POU2F1: variants seen among roughly 807,000 people sequenced by gnomAD.
POU2F1 encodes the protein POU class 2 homeobox 1.
In POU2F1, 16 loss-of-function variants were observed where a neutral mutation model predicts 84.9. The ratio of observed to expected loss-of-function variants is 0.19; its 90% confidence interval spans 0.13 to 0.29. The LOEUF (loss-of-function observed/expected upper bound fraction) is 0.29. Among genes scored for constraint, POU2F1 ranks in the 10% least tolerant of loss-of-function variants. The pLI, the probability that POU2F1 is intolerant of heterozygous loss-of-function variation, is 1.00. For synonymous variants in POU2F1, 368 were observed against 368.3 expected (o/e 1.00, Z 0.01); for missense variants, 738 against 942.6 (o/e 0.78, Z 2.84).
At chr1:167,276,610 G>A (rs546771947) in intron 1 of POU2F1, among the ~76,000 whole-genome samples, 1 of 152,192 alleles carries the variant, frequency 6.6e-6, no homozygotes, top group African/African-American at 2.4e-5. Flanking sequence ...TCAAACCATT[G>A]ACCCACTCTT....
intron 2 of POU2F1, among the ~76,000 whole-genome samples, chr1:167,344,745 G>A (rs1295543756): frequency 1.3e-5 from 2 of 152,206 alleles, no homozygotes; most frequent in African/African-American, 2.4e-5. Flanking sequence ...GGAGGAAGGG[G>A]AGGATGATAG....
chr1:167,232,706 G>A (rs1474976114), intron 1 of POU2F1, among the ~76,000 whole-genome samples: 1 of 152,100 alleles, frequency 6.6e-6, no homozygotes, highest in African/African-American at 2.4e-5. Context: ...AGCTGGGTGT[G>A]GTGGCACACG....
At chr1:167,390,561 G>C (rs936507564) in intron 9 of POU2F1, among the ~76,000 whole-genome samples, 6 of 152,150 alleles carry the variant, frequency 3.9e-5, no homozygotes, top group Non-Finnish European at 8.8e-5. Flanking sequence ...GAGGTGGGAG[G>C]ATTGCTTGAG....
intron 2 of POU2F1, among the ~76,000 whole-genome samples, chr1:167,350,561 G>A (rs1237681641): frequency 6.6e-6 from 1 of 151,858 alleles, no homozygotes; most frequent in East Asian, 1.9e-4. Flanking sequence ...GATGTAGCTA[G>A]GTCCTGAACA....
chr1:167,324,434 A>G (rs576702088), intron 1 of POU2F1, among the ~76,000 whole-genome samples: 6 of 147,238 alleles, frequency 4.1e-5, no homozygotes, highest in East Asian at 3.9e-4. Flanking sequence ...TGAGTTTTTT[A>G]TCCAAACTCA....
intron 1 of POU2F1, among the ~76,000 whole-genome samples, chr1:167,247,158 C>G (rs985341900): frequency 5.3e-5 from 8 of 151,972 alleles, no homozygotes; most frequent in Non-Finnish European, 1.2e-4. Flanking sequence ...TCACTGCACT[C>G]TCAACCTTCT....
At position 167,284,172 on chromosome 1, in the gene POU2F1, T is replaced by C. The variant is rs563162914; in HGVS notation, c.62-48298T>C. On this transcript the variant is annotated intron_variant, in intron 1 of 15. Coordinates refer to ENST00000367866, the MANE Select transcript of POU2F1 (RefSeq NM_002697.4). ...CTTTCTGTCTGCTCTAAACAGTATA[T>C]GTGTTAAAGCTAATGTCCAAATGGT... Among the ~76,000 whole-genome samples the C allele has an allele frequency of 5.9e-5, 9 of 152,352 alleles. No homozygotes were observed. The East Asian group carries it at 1.7e-3, about 29-fold the overall frequency.
At chr1:167,280,846 T>G (rs1472566659) in intron 1 of POU2F1, among the ~76,000 whole-genome samples, 3 of 152,210 alleles carry the variant, frequency 2.0e-5, no homozygotes, top group Admixed American at 1.3e-4. Flanking sequence ...CCAAAGGCGT[T>G]TATTAAGTGT....
chr1:167,288,573 C>G (rs891988668), intron 1 of POU2F1, among the ~76,000 whole-genome samples: 9 of 152,122 alleles, frequency 5.9e-5, no homozygotes, highest in African/African-American at 2.2e-4. Context: ...GCCTGTAGTT[C>G]CAGCTACTCA....
chr1:167,268,595 A>AGG (rs1320233555), intron 1 of POU2F1, among the ~76,000 whole-genome samples: 2 of 152,224 alleles, frequency 1.3e-5, no homozygotes, highest in Non-Finnish European at 2.9e-5. Flanking sequence ...CCTGCACATA[A>AGG]GGTAAATACA....
chr1:167,393,217 A>T (rs546107869), intron 9 of POU2F1, among the ~76,000 whole-genome samples: 125 of 152,330 alleles, frequency 8.2e-4, no homozygotes, highest in Non-Finnish European at 1.3e-3. Flanking sequence ...TGTGAGTGAT[A>T]ACCCAAGATG....
chr1:167,244,246 G>A (rs1650138528), intron 1 of POU2F1, among the ~76,000 whole-genome samples: 1 of 152,090 alleles, frequency 6.6e-6, no homozygotes, highest in East Asian at 1.9e-4. Flanking sequence ...GGCTCAGGTG[G>A]GTCCTCACAA....
rs187275094 is a variant in POU2F1 at position 167,226,178 on chromosome 1, C to G, written c.61+5220C>G. Among the ~76,000 whole-genome samples, 252 of 152,268 alleles carry G rather than the reference C, an allele frequency of 1.7e-3. 2 individuals are homozygous for G. The highest frequency in any genetic ancestry group is 3.4e-4 in the Non-Finnish European group (23 of 68,008). On this transcript the variant is annotated intron_variant, in intron 1 of 15. Coordinates refer to ENST00000367866, the MANE Select transcript of POU2F1 (RefSeq NM_002697.4). ...GCAAATGTACTTACTATTTCTTGGG[C>G]GTTAGAGTTGAAAGTTGTTGATTTG...
At chr1:167,360,278 C>T (rs1046689749) in intron 2 of POU2F1, among the ~76,000 whole-genome samples, 2 of 152,042 alleles carry the variant, frequency 1.3e-5, no homozygotes, top group Non-Finnish European at 2.9e-5. Context: ...TTGCTTAGGC[C>T]AATGTTTACA....
chr1:167,242,992 A>G (rs555574122), intron 1 of POU2F1, among the ~76,000 whole-genome samples: 1 of 151,426 alleles, frequency 6.6e-6, no homozygotes, highest in East Asian at 1.9e-4. Flanking sequence ...TTGTTTCCCA[A>G]AATGAATTCT....
intron 1 of POU2F1, among the ~76,000 whole-genome samples, chr1:167,325,121 T>A (rs1656606655): frequency 6.6e-6 from 1 of 152,232 alleles, no homozygotes; most frequent in African/African-American, 2.4e-5. Context: ...TTGATAATGC[T>A]TGAGGTACTA....
intron 1 of POU2F1, among the ~76,000 whole-genome samples, chr1:167,328,207 A>T (rs974887074): frequency 5.9e-5 from 9 of 152,170 alleles, no homozygotes; most frequent in South Asian, 2.1e-4. Flanking sequence ...ATTTATTTTC[A>T]TGGGGGAAGG....
Position 167,421,170 on chromosome 1 carries a change from G to A in POU2F1, c.*5360G>A, listed in dbSNP as rs962319541. On this transcript the variant is annotated 3_prime_UTR_variant, in exon 16 of 16. Coordinates refer to ENST00000367866, the MANE Select transcript of POU2F1 (RefSeq NM_002697.4). ...TATAAAATGGTAAATCTTTCTCAGC[G>A]TTTACAAACTTGGCTTTTGAGAAGG... The A allele has an allele frequency of 2.4e-4, 36 of 152,220 alleles. No homozygotes were observed. The highest frequency in any genetic ancestry group is 6.3e-4 in the African/African-American group (26 of 41,530). 9.4% of individuals were successfully genotyped at this position (152,220 alleles called of 1,614,324 possible).
In POU2F1 at chr1:167,348,686, G is replaced by A. The variant is rs569729985; in HGVS notation, c.127+16151G>A. 3.0e-4 allele frequency among the ~76,000 whole-genome samples: 45 copies of A among 152,098 alleles called. No homozygotes were observed. The Middle Eastern group carries it at 0.021, about 69-fold the overall frequency. ...ATCTTGTAATAATGAGATGAGAATG[G>A]GCAATAATAAATTGTGTTTACATCT... On this transcript the variant is annotated intron_variant, in intron 2 of 15. Transcript: ENST00000367866.
Sources: allele counts gnomAD v4.1 joint callset (sites outside exome capture counted in the v4.1 genomes callset), GRCh38; gene constraint gnomAD v4.1.1; transcripts MANE v1.5; gene names NCBI Gene and HGNC (gene_info 2026-07-23, HGNC 2026-07-21).